Variants in COTL1 observed in about 807,000 individuals in gnomAD.
COTL1 encodes the protein coactosin like F-actin binding protein 1, also known as coactosin-like protein.
COTL1 carries 15 observed loss-of-function variants against 16.5 expected under a neutral mutation model. The observed-to-expected ratio is 0.91, with a 90% confidence interval of 0.61 to 1.40. The LOEUF (loss-of-function observed/expected upper bound fraction) is 1.40, where lower values mean the gene tolerates loss of function less well. Ranked by LOEUF, COTL1 falls within the 40% of genes most tolerant of loss-of-function variation. The pLI, the probability that COTL1 is intolerant of heterozygous loss-of-function variation, is 0.00. For synonymous variants in COTL1, 112 were observed against 85.3 expected (o/e 1.31, Z -1.73); for missense variants, 220 against 201.5 (o/e 1.09, Z -0.56).
In COTL1 at chr16:84,566,950, G is replaced by A. The variant is rs577103781; in HGVS notation, c.324C>T (p.Phe108=). The part of the protein sequence containing the change: ...KTLVKEVVQN[F]AKEFVISDRK... The stretch of plus-strand genomic sequence containing the variant: ...GATCACTGATCACAAACTCCTTAGC[G>A]AAATTCTGCAAGAACAAAGGAAAAC... The change falls in exon 4 of 4, where the codon TTC becomes TTT. Residue 108 remains phenylalanine (F), a synonymous_variant. Transcript: ENST00000262428. The A allele has an allele frequency of 3.1e-6, 5 of 1,609,974 alleles. No individual in the cohort carries two copies. Among genetic ancestry groups the A allele is most frequent in the African/African-American group, 2.7e-5 (2 of 74,952 alleles).
intron 3 of COTL1, among the ~76,000 whole-genome samples, chr16:84,584,834 A>G (rs1388146776): frequency 6.6e-6 from 1 of 152,170 alleles, no homozygotes; most frequent in Non-Finnish European, 1.5e-5. Flanking sequence ...GGCAGGCACT[A>G]TATTGCCCTT....
chr16:84,578,821 A>G (rs1482414694), intron 3 of COTL1, among the ~76,000 whole-genome samples: 2 of 152,104 alleles, frequency 1.3e-5, no homozygotes, highest in Admixed American at 1.3e-4. Flanking sequence ...ACAAACGTAT[A>G]CACACACAGG....
intron 3 of COTL1, among the ~76,000 whole-genome samples, chr16:84,571,569 G>A (rs1463103895): frequency 2.6e-5 from 4 of 152,124 alleles, no homozygotes; most frequent in African/African-American, 7.2e-5. Flanking sequence ...TGCTGCTCCT[G>A]TGTCTTGTCC....
At chr16:84,581,505 T>TG (rs1219045807) in intron 3 of COTL1, among the ~76,000 whole-genome samples, 3 of 137,974 alleles carry the variant, frequency 2.2e-5, no homozygotes, top group Non-Finnish European at 3.2e-5. Flanking sequence ...TTCTCTAATT[T>TG]TTTGTTGTTG....
Position 84,566,817 on chromosome 16 carries a change from G to A in COTL1, c.*28C>T. The A allele has an allele frequency of 6.6e-7, 1 of 1,513,886 alleles. No homozygotes were observed. The highest frequency in any genetic ancestry group is 9.2e-7 in the Non-Finnish European group (1 of 1,089,708). 93.8% of individuals were successfully genotyped at this position (1,513,886 alleles called of 1,614,324 possible). A position where few individuals can be genotyped will look rare whatever the true frequency, so the allele number is the denominator to read the frequency against. ...CCCGGGGAGCAGGCAGATGACTTTGGCAAGGGGTGGTGTGGCGGGGGCTGG... is the reference window on the plus strand; with the variant it reads ...CCCGGGGAGCAGGCAGATGACTTTGACAAGGGGTGGTGTGGCGGGGGCTGG... On this transcript the variant is annotated 3_prime_UTR_variant, in exon 4 of 4. Transcript: ENST00000262428.
At chr16:84,604,924 G>A (rs957514495) in intron 2 of COTL1, among the ~76,000 whole-genome samples, 8 of 152,246 alleles carry the variant, frequency 5.3e-5, no homozygotes, top group African/African-American at 1.7e-4. Flanking sequence ...AAGTGCTTCC[G>A]GGTCAGAGCA....
intron 3 of COTL1, among the ~76,000 whole-genome samples, chr16:84,572,804 G>C (rs774643494): frequency 6.6e-6 from 1 of 152,082 alleles, no homozygotes; most frequent in Non-Finnish European, 1.5e-5. Flanking sequence ...CCAGGCTGGA[G>C]GGCACTGGTG....
chr16:84,600,513 G>A (rs114414149), intron 2 of COTL1, among the ~76,000 whole-genome samples: 2,235 of 152,158 alleles, frequency 0.015, 55 homozygotes, highest in African/African-American at 0.051. Context: ...GGCTTTCACC[G>A]TGTTGGCCAG....
chr16:84,601,822 T>C (rs1225651212), intron 2 of COTL1, among the ~76,000 whole-genome samples: 1 of 152,174 alleles, frequency 6.6e-6, no homozygotes, highest in East Asian at 1.9e-4. Flanking sequence ...AGGGTTCTTG[T>C]TGACAATTTG....
At chr16:84,571,404 T>C (rs1434982852) in intron 3 of COTL1, among the ~76,000 whole-genome samples, 1 of 152,122 alleles carries the variant, frequency 6.6e-6, no homozygotes, top group East Asian at 1.9e-4. Flanking sequence ...TGCCCCTCAA[T>C]TCAGAAGGGG....
chr16:84,603,088 C>T (rs575957032), intron 2 of COTL1, among the ~76,000 whole-genome samples: 37 of 152,280 alleles, frequency 2.4e-4, no homozygotes, highest in Admixed American at 5.9e-4. Flanking sequence ...AATGGCCCAG[C>T]GACTTCCCCT....
At chr16:84,613,295 C>T (rs12929625) in intron 2 of COTL1, among the ~76,000 whole-genome samples, 4,146 of 152,160 alleles carry the variant, frequency 0.027, 85 homozygotes, top group Non-Finnish European at 0.043. Flanking sequence ...CCACGGCGCC[C>T]GGACTAGAGT....
In COTL1 at chr16:84,590,595, G is replaced by A. The variant is rs1057339472; in HGVS notation, c.161-333C>T. 7 of 190,710 alleles carry A rather than the reference G, an allele frequency of 3.7e-5. No homozygotes were observed. Among genetic ancestry groups the A allele is most frequent in the African/African-American group, 9.3e-5 (4 of 42,922 alleles). 11.8% of individuals were successfully genotyped at this position (190,710 alleles called of 1,614,324 possible). A position where few individuals can be genotyped will look rare whatever the true frequency, so the allele number is the denominator to read the frequency against. On this transcript the variant is annotated intron_variant, in intron 2 of 3. Transcript: ENST00000262428. The surrounding 1 kb of genome is among the most constrained non-coding windows in gnomAD (Gnocchi z 5.5). Reference sequence around the variant, plus strand: ...AAACCCAGGCCTTTCTGGCTGCAACGCCTACAGCCTTCCTACAATCAAGGC... The same window carrying A: ...AAACCCAGGCCTTTCTGGCTGCAACACCTACAGCCTTCCTACAATCAAGGC...
At position 84,590,225 on chromosome 16, in the gene COTL1, G is replaced by A. The variant is rs763877938; in HGVS notation, c.198C>T (p.Thr66=). 3.8e-5 allele frequency: 61 copies of A among 1,614,054 alleles called. 1 individual carries two copies. Among genetic ancestry groups the A allele is most frequent in the Non-Finnish European group, 4.6e-5 (54 of 1,180,018 alleles). ...VRLFAFVRFT[T]GDAMSKRSKF... The stretch of plus-strand genomic sequence containing the variant: ...TGGACCTCTTGCTCATGGCATCCCC[G>A]GTGGTGAAGCGCACGAAGGCAAACA... The change falls in exon 3 of 4, where the codon ACC becomes ACT. Residue 66 remains threonine (T), a synonymous_variant. Transcript: ENST00000262428. This position sits in a 1 kb window ranked among gnomAD's most constrained non-coding sequence, Gnocchi z 5.5.
At position 84,590,593 on chromosome 16, in the gene COTL1, A is replaced by G. The variant is rs963423966; in HGVS notation, c.161-331T>C. Reference sequence around the variant, plus strand: ...TTAAACCCAGGCCTTTCTGGCTGCAACGCCTACAGCCTTCCTACAATCAAG... The same window carrying G: ...TTAAACCCAGGCCTTTCTGGCTGCAGCGCCTACAGCCTTCCTACAATCAAG... On this transcript the variant is annotated intron_variant, in intron 2 of 3. Coordinates refer to ENST00000262428, the MANE Select transcript of COTL1 (RefSeq NM_021149.5). This position sits in a 1 kb window ranked among gnomAD's most constrained non-coding sequence, Gnocchi z 5.5. The G allele has an allele frequency of 1.0e-5, 2 of 194,274 alleles. No individual in the cohort carries two copies. Among genetic ancestry groups the G allele is most frequent in the African/African-American group, 4.6e-5 (2 of 43,046 alleles). 12.0% of individuals were successfully genotyped at this position (194,274 alleles called of 1,614,324 possible). A position where few individuals can be genotyped will look rare whatever the true frequency, so the allele number is the denominator to read the frequency against.
intron 3 of COTL1, among the ~76,000 whole-genome samples, chr16:84,586,503 G>A (rs1277213918): frequency 6.6e-6 from 1 of 152,192 alleles, no homozygotes; most frequent in African/African-American, 2.4e-5. Flanking sequence ...GAACTAGACA[G>A]CAGTGATGGC....
At chr16:84,591,335 C>G (rs1463371843) in intron 2 of COTL1, among the ~76,000 whole-genome samples, 2 of 151,806 alleles carry the variant, frequency 1.3e-5, no homozygotes, top group African/African-American at 4.8e-5. Context: ...AGGCGCCCAC[C>G]ACCACACCTG....
intron 3 of COTL1, among the ~76,000 whole-genome samples, chr16:84,575,097 G>C (rs1024885052): frequency 1.3e-5 from 2 of 152,022 alleles, no homozygotes; most frequent in African/African-American, 4.8e-5. Context: ...GAGTGCAGTG[G>C]TGCAATCTCA....
chr16:84,571,598 G>A (rs1281448799), intron 3 of COTL1, among the ~76,000 whole-genome samples: 1 of 152,016 alleles, frequency 6.6e-6, no homozygotes, highest in African/African-American at 2.4e-5. Context: ...CCCGTTCTTT[G>A]AGCCTGGCAG....
Sources: allele counts gnomAD v4.1 joint callset (sites outside exome capture counted in the v4.1 genomes callset), GRCh38; gene constraint gnomAD v4.1.1; non-coding constraint Gnocchi (gnomAD v3.1); transcripts MANE v1.5; gene names NCBI Gene and HGNC (gene_info 2026-07-23, HGNC 2026-07-21).